The following METTL16 variants were observed in gnomAD, a reference collection of about 807,000 sequenced individuals.
The protein encoded by METTL16 is RNA N(6)-adenosine-methyltransferase METTL16.
A neutral mutation model predicts 57.9 loss-of-function variants in METTL16; 19 were observed. The observed-to-expected ratio is 0.33, with a 90% CI of 0.23 to 0.48. The LOEUF is 0.48. Among genes scored for constraint, METTL16 ranks in the 20% least tolerant of loss-of-function variants. METTL16 has a pLI of 0.99. For missense variants in METTL16, 434 were observed against 691.5 expected (o/e 0.63, Z 4.18); for synonymous variants, 246 against 255.6 (o/e 0.96, Z 0.36).
At chr17:2,448,719 G>A (rs1597449119) in intron 6 of METTL16, among the ~76,000 whole-genome samples, 1 of 83,938 alleles carries the variant, frequency 1.2e-5, no homozygotes. Context: ...CCCTCTGCGA[G>A]AAACACCCAA....
chr17:2,420,205 T>C lies in METTL16; in HGVS notation c.1454A>G (p.Asn485Ser). 1.9e-6 allele frequency: 3 copies of C among 1,614,250 alleles called. No homozygotes were observed. The highest frequency in any genetic ancestry group is 2.5e-6 in the Non-Finnish European group (3 of 1,180,044). ...AGAAGCCTCTTGGTCCTGGGCTCCG[T>C]TGCTAGAGCCTTGACAACTTTCCAA... Reference protein sequence around the residue: ...EVLESCQGSSNGAQDQEASEQ... With the variant: ...EVLESCQGSSSGAQDQEASEQ... Residue 485 changes from asparagine (N) to serine (S), a missense_variant, in exon 10 of 10, where the codon AAC (asparagine) becomes AGC (serine). This residue lies in a region of METTL16 where 168 missense variants were observed against 149.6 expected (regional missense o/e 1.12). Coordinates refer to ENST00000263092, the MANE Select transcript of METTL16 (RefSeq NM_024086.4). The surrounding 1 kb of genome is among the most constrained non-coding windows in gnomAD (Gnocchi z 5.4).
Position 2,506,766 on chromosome 17 carries a change from G to T in METTL16, c.1-4435C>A, listed in dbSNP as rs1338732066. On this transcript the variant is annotated intron_variant, in intron 1 of 9. Coordinates refer to ENST00000263092, the MANE Select transcript of METTL16 (RefSeq NM_024086.4). ...CCGCCCATCATCTGGGATGTGAGGA[G>T]CCTCTCTGCCTGGCTGCCCAGTCTG... 9.2e-5 allele frequency among the ~76,000 whole-genome samples: 14 copies of T among 151,874 alleles called. No homozygotes were observed. In the East Asian group the frequency reaches 2.5e-3, roughly 27 times the overall value.
intron 6 of METTL16, among the ~76,000 whole-genome samples, chr17:2,461,173 T>A (rs1369730702): frequency 6.6e-6 from 1 of 151,998 alleles, no homozygotes; most frequent in African/African-American, 2.4e-5. Context: ...GCCAACATGG[T>A]GAAACCCCAA....
intron 8 of METTL16, among the ~76,000 whole-genome samples, chr17:2,430,502 G>A (rs888554761): frequency 4.5e-5 from 6 of 133,548 alleles, no homozygotes; most frequent in Admixed American, 8.5e-5. Context: ...TGCAAGCTCC[G>A]CCTCCCGGGT....
At chr17:2,421,847 G>A (rs1440172321) in intron 8 of METTL16, among the ~76,000 whole-genome samples, 4 of 152,132 alleles carry the variant, frequency 2.6e-5, no homozygotes, top group South Asian at 4.1e-4. Context: ...CCAAGCCGGC[G>A]GCGAGCTAAG....
In METTL16 at chr17:2,419,855, G is replaced by C. The variant is rs969881415; in HGVS notation, c.*115C>G. On this transcript the variant is annotated 3_prime_UTR_variant, in exon 10 of 10. Transcript: ENST00000263092. ...GACAGATTCATAGGTTTTTGTTTTC[G>C]AAGATAATTCCACATCGTGCTACTA... 6.8e-6 allele frequency: 9 copies of C among 1,323,506 alleles called. No homozygotes were observed. Among genetic ancestry groups the C allele is most frequent in the Admixed American group, 1.9e-5 (1 of 52,980 alleles). The allele number at this position is 1,323,506 out of a possible 1,614,324, so 82.0% of individuals were successfully genotyped here. A position where few individuals can be genotyped will look rare whatever the true frequency, so the allele number is the denominator to read the frequency against.
chr17:2,445,636 A>C (rs1031835321), intron 6 of METTL16, among the ~76,000 whole-genome samples: 1 of 152,086 alleles, frequency 6.6e-6, no homozygotes, highest in East Asian at 1.9e-4. Flanking sequence ...AAATACAAAA[A>C]TTAGACAGGT....
chr17:2,474,596 G>A (rs1029944677), intron 3 of METTL16, among the ~76,000 whole-genome samples: 4 of 152,012 alleles, frequency 2.6e-5, no homozygotes, highest in Admixed American at 1.3e-4. Context: ...ATGTAGAACC[G>A]CTAGCCCTGG....
At position 2,438,079 on chromosome 17, in the gene METTL16, G is replaced by A. The variant is rs7209994; in HGVS notation, c.888+30C>T. 0.029 allele frequency: 43,777 copies of A among 1,488,664 alleles called. 8,206 individuals are homozygous for A. The African/African-American group carries it at 0.46, about 16-fold the overall frequency. The allele number at this position is 1,488,664 out of a possible 1,614,324, so 92.2% of individuals were successfully genotyped here. ...ACTGAAACCCACCATGTGCTGGCAG[G>A]TGGTGAAGCGGAGCAAGGTCTGTAC... On this transcript the variant is annotated intron_variant, in intron 8 of 9. Transcript: ENST00000263092.
intron 2 of METTL16, among the ~76,000 whole-genome samples, chr17:2,490,576 T>C (rs1022588403): frequency 1.3e-4 from 20 of 152,200 alleles, no homozygotes; most frequent in African/African-American, 4.1e-4. Context: ...GAAAAATATA[T>C]TTCTCTAATT....
intron 8 of METTL16, chr17:2,436,884 T>A (rs1375587613): frequency 6.5e-6 from 1 of 153,386 alleles, no homozygotes; most frequent in Non-Finnish European, 1.4e-5. Flanking sequence ...TTTTTTTTTT[T>A]TTTTTGAGAC....
At chr17:2,483,692 AC>A (rs1386858739) in intron 2 of METTL16, among the ~76,000 whole-genome samples, 1 of 152,206 alleles carries the variant, frequency 6.6e-6, no homozygotes, top group Middle Eastern at 3.2e-3. Context: ...TTCTTACTCG[AC>A]TAAAAGCAGT....
At chr17:2,479,605 C>T (rs1397581216) in intron 2 of METTL16, among the ~76,000 whole-genome samples, 2 of 152,116 alleles carry the variant, frequency 1.3e-5, no homozygotes, top group African/African-American at 4.8e-5. Flanking sequence ...CTGGTCTGTA[C>T]TATCTCCTTT....
chr17:2,427,572 G>A (rs528902913), intron 8 of METTL16, among the ~76,000 whole-genome samples: 1 of 152,268 alleles, frequency 6.6e-6, no homozygotes, highest in Admixed American at 6.5e-5. Context: ...AAGTTAATGA[G>A]TAATATGTTG....
At chr17:2,475,898 T>C (rs1640703536) in intron 3 of METTL16, among the ~76,000 whole-genome samples, 1 of 152,206 alleles carries the variant, frequency 6.6e-6, no homozygotes, top group Non-Finnish European at 1.5e-5. Flanking sequence ...GTTTGGGGCA[T>C]AATTAAAATC....
chr17:2,511,449 C>T (rs990180770), intron 1 of METTL16, among the ~76,000 whole-genome samples: 1 of 152,156 alleles, frequency 6.6e-6, no homozygotes, highest in Non-Finnish European at 1.5e-5. Context: ...CCTGCCACTG[C>T]CGTTCTTTCC....
intron 2 of METTL16, among the ~76,000 whole-genome samples, chr17:2,492,944 C>T (rs1379597787): frequency 6.7e-6 from 1 of 149,248 alleles, no homozygotes; most frequent in Non-Finnish European, 1.5e-5. Flanking sequence ...CTGGAACTGG[C>T]ACCCTCAAGA....
rs61506042 is a variant in METTL16, at chr17:2,489,732, C to CAA, written c.129-11849_129-11848dup. Among the ~76,000 whole-genome samples the CAA allele has an allele frequency of 6.1e-3, 370 of 60,324 alleles. 22 individuals carry two copies. The highest frequency in any genetic ancestry group is 0.031 in the African/African-American group (357 of 11,676). 39.6% of individuals were successfully genotyped at this position (60,324 alleles called of 152,430 possible). A position where few individuals can be genotyped will look rare whatever the true frequency, so the allele number is the denominator to read the frequency against. Reference sequence around the variant, plus strand: ...CCAGCCTGGATGACAGAGCGAGACTCAAAAAAAAAAAAAAAAACGAATACT... The same window carrying CAA: ...CCAGCCTGGATGACAGAGCGAGACTCAAAAAAAAAAAAAAAAAAACGAATACT... On this transcript the variant is annotated intron_variant, in intron 2 of 9. Transcript: ENST00000263092.
chr17:2,428,446 T>C (rs2066835998), intron 8 of METTL16, among the ~76,000 whole-genome samples: 1 of 141,062 alleles, frequency 7.1e-6, no homozygotes, highest in East Asian at 2.2e-4. Flanking sequence ...AAATGTAGCC[T>C]CAACCCGGGA....
Sources: gnomAD v4.1 joint callset for allele counts (sites outside exome capture counted in the v4.1 genomes callset) on GRCh38, gnomAD v4.1.1 for gene constraint, gnomAD v4.1.1 regional missense constraint, Gnocchi (gnomAD v3.1) non-coding constraint, MANE v1.5 for transcripts, NCBI Gene and HGNC (gene_info 2026-07-23, HGNC 2026-07-21) for gene names.